Variants in ZNF475 observed in about 807,000 individuals in gnomAD.
ZNF475 encodes zinc finger protein 475.
the ZNF475 span, chr5:122,182,648 T>C: frequency 2.0e-6 from 3 of 1,532,772 alleles, no homozygotes; most frequent in Admixed American, 2.0e-5. Flanking sequence ...AGTAAAGCCC[T>C]TTTCTCTCTA....
At chr5:122,172,771 C>T in the ZNF475 span, among the ~76,000 whole-genome samples, 93 of 152,220 alleles carry the variant, frequency 6.1e-4, no homozygotes, top group African/African-American at 1.8e-3. Flanking sequence ...CGGTGGCTCA[C>T]GCCTGTAATT....
At chr5:122,165,932 C>T in the ZNF475 span, among the ~76,000 whole-genome samples, 1 of 152,172 alleles carries the variant, frequency 6.6e-6, no homozygotes, top group Non-Finnish European at 1.5e-5. Flanking sequence ...ACTAAAATGA[C>T]CTCATCAAAA....
At chr5:122,165,905 C>G in the ZNF475 span, among the ~76,000 whole-genome samples, 1 of 152,198 alleles carries the variant, frequency 6.6e-6, no homozygotes, top group South Asian at 2.1e-4. Context: ...TTTGATGTGG[C>G]TCTTTGGCAA....
At chr5:122,167,657 G>A in the ZNF475 span, among the ~76,000 whole-genome samples, 11 of 152,170 alleles carry the variant, frequency 7.2e-5, no homozygotes, top group African/African-American at 2.4e-4. Flanking sequence ...CAGCCTTATG[G>A]AGAAATAATT....
At chr5:122,182,354 C>A in the ZNF475 span, 1 of 630,160 alleles carries the variant, frequency 1.6e-6, no homozygotes, top group Non-Finnish European at 2.5e-6. Context: ...ACAGGTATTT[C>A]CTGAAAATAT....
chr5:122,173,830 G>C, the ZNF475 span, among the ~76,000 whole-genome samples: 1 of 152,286 alleles, frequency 6.6e-6, no homozygotes, highest in East Asian at 1.9e-4. Context: ...CATAGATTTA[G>C]TGACTAACTT....
At chr5:122,160,354 T>C in the ZNF475 span, 1 of 1,056,572 alleles carries the variant, frequency 9.5e-7, no homozygotes, top group Non-Finnish European at 1.3e-6. Flanking sequence ...AATATGTGTG[T>C]GTCGAAGGTG....
chr5:122,174,143 A>T, the ZNF475 span, among the ~76,000 whole-genome samples: 33 of 152,248 alleles, frequency 2.2e-4, no homozygotes, highest in African/African-American at 7.5e-4. Flanking sequence ...ATTTGCTAAG[A>T]GGGGGCCTTC....
chr5:122,178,776 T>C, the ZNF475 span, among the ~76,000 whole-genome samples: 1 of 152,206 alleles, frequency 6.6e-6, no homozygotes, highest in African/African-American at 2.4e-5. Context: ...TTTGTTGCCA[T>C]TGCTTTTGGT....
chr5:122,170,398 C>G, the ZNF475 span, among the ~76,000 whole-genome samples: 18 of 152,302 alleles, frequency 1.2e-4, no homozygotes, highest in African/African-American at 4.3e-4. Context: ...CATGATCCTC[C>G]CTTCACGCTT....
At chr5:122,174,063 C>G in the ZNF475 span, among the ~76,000 whole-genome samples, 1 of 152,220 alleles carries the variant, frequency 6.6e-6, no homozygotes, top group Non-Finnish European at 1.5e-5. Context: ...CCTCACATAA[C>G]CTCCTCAGCC....
At chr5:122,182,363 A>G in the ZNF475 span, 1 of 669,992 alleles carries the variant, frequency 1.5e-6, no homozygotes, top group Non-Finnish European at 2.3e-6. Context: ...TCCTGAAAAT[A>G]TTTTCCATAG....
chr5:122,175,608 C>G, the ZNF475 span, among the ~76,000 whole-genome samples: 1 of 152,276 alleles, frequency 6.6e-6, no homozygotes. Flanking sequence ...CTCTGAAGAT[C>G]ACTTTATCTC....
chr5:122,178,911 T>C, the ZNF475 span, among the ~76,000 whole-genome samples: 14 of 152,332 alleles, frequency 9.2e-5, no homozygotes, highest in Admixed American at 3.3e-4. Flanking sequence ...TTAATTTTTG[T>C]ATAAGGTGTA....
the ZNF475 span, chr5:122,179,888 C>G: frequency 1.9e-6 from 1 of 523,210 alleles, no homozygotes; most frequent in Non-Finnish European, 3.3e-6. Context: ...TTCTGAAATG[C>G]CTGTCCAAAG....
the ZNF475 span, among the ~76,000 whole-genome samples, chr5:122,177,864 T>C: frequency 2.0e-5 from 3 of 152,136 alleles, no homozygotes; most frequent in Non-Finnish European, 4.4e-5. Context: ...TTATCTACAT[T>C]AGGTATTTCT....
chr5:122,170,761 C>T, the ZNF475 span, among the ~76,000 whole-genome samples: 71 of 152,184 alleles, frequency 4.7e-4, no homozygotes, highest in Non-Finnish European at 8.1e-4. Flanking sequence ...ATTTCCAGCC[C>T]TCTGATCAGG....
the ZNF475 span, among the ~76,000 whole-genome samples, chr5:122,174,546 C>T: frequency 2.0e-5 from 3 of 152,246 alleles, no homozygotes; most frequent in South Asian, 6.2e-4. Flanking sequence ...AAATATAGAG[C>T]ATGGGAGAAG....
At chr5:122,161,348 C>T in the ZNF475 span, among the ~76,000 whole-genome samples, 1 of 152,162 alleles carries the variant, frequency 6.6e-6, no homozygotes, top group East Asian at 1.9e-4. Flanking sequence ...TACCCTTAAT[C>T]AGAGAAAGTG....
Sources: gnomAD v4.1 joint callset for allele counts (sites outside exome capture counted in the v4.1 genomes callset) on GRCh38, gnomAD v4.1.1 for gene constraint, MANE v1.5 for transcripts, NCBI Gene and HGNC (gene_info 2026-07-23, HGNC 2026-07-21) for gene names.